CHST1: variants seen among roughly 807,000 people sequenced by gnomAD.
CHST1 encodes the protein Keratan sulfotransferase.
A neutral mutation model predicts 22.5 loss-of-function variants in CHST1; 10 were observed. The ratio of observed to expected loss-of-function variants is 0.44; its 90% CI spans 0.27 to 0.75. The LOEUF (loss-of-function observed/expected upper bound fraction) is 0.75, where lower values mean the gene tolerates loss of function less well. Among genes scored for constraint, CHST1 ranks in the 30% least tolerant of loss-of-function variants. The pLI is 0.15. For synonymous variants in CHST1, 267 were observed against 264.5 expected, an observed-to-expected ratio of 1.01 and a Z score of -0.09; for missense variants, 439 against 576.1, an observed-to-expected ratio of 0.76 and a Z score of 2.44.
At chr11:45,654,616 A>G (rs1001470103) in intron 1 of CHST1, among the ~76,000 whole-genome samples, 1 of 152,218 alleles carries the variant, frequency 6.6e-6, no homozygotes, top group Non-Finnish European at 1.5e-5. Flanking sequence ...CAATGCCCTC[A>G]TCCTCCAAGC....
In CHST1 at chr11:45,665,589, A is replaced by AGCAGCGGCG. The variant is rs1373806604; in HGVS notation, c.-647_-639dup. 3 of 151,444 alleles carry AGCAGCGGCG rather than the reference A, an allele frequency of 2.0e-5. No homozygotes were observed. The highest frequency in any genetic ancestry group is 4.4e-5 in the Non-Finnish European group (3 of 67,888). 9.4% of individuals were successfully genotyped at this position (151,444 alleles called of 1,614,324 possible). ...CGCCCGCCCGCGTCCCCGAGCCAAGAGCAGCGGCGGCAGCGGCGGCTACAG... is the reference window on the plus strand; with the variant it reads ...CGCCCGCCCGCGTCCCCGAGCCAAGAGCAGCGGCGGCAGCGGCGGCAGCGGCGGCTACAG... On this transcript the variant is annotated 5_prime_UTR_variant, in exon 1 of 4. Coordinates refer to ENST00000308064, the MANE Select transcript of CHST1 (RefSeq NM_003654.6). This position sits in a 1 kb window ranked among gnomAD's most constrained non-coding sequence, Gnocchi z 4.0.
intron 1 of CHST1, among the ~76,000 whole-genome samples, chr11:45,659,096 C>T (rs1440660811): frequency 6.6e-6 from 1 of 152,144 alleles, no homozygotes; most frequent in Non-Finnish European, 1.5e-5. Context: ...AGGAGGCTGC[C>T]GACGTGGATA....
rs1407062175 is a variant in CHST1, at chr11:45,648,631, C to G, written c.*1057G>C. 6.6e-6 allele frequency among the ~76,000 whole-genome samples: 1 copy of G among 152,088 alleles called. No individual in the cohort carries two copies. The highest frequency in any genetic ancestry group is 1.5e-5 in the Non-Finnish European group (1 of 68,028). On this transcript the variant is annotated 3_prime_UTR_variant, in exon 4 of 4. Transcript: ENST00000308064. ...GCTTGAACCTGGGAGGCAGAGGTTG[C>G]AGTGAGCCGAGATGGCGCCATTGCA...
At chr11:45,659,589 G>C (rs1405992164) in intron 1 of CHST1, among the ~76,000 whole-genome samples, 1 of 152,114 alleles carries the variant, frequency 6.6e-6, no homozygotes, top group Non-Finnish European at 1.5e-5. Flanking sequence ...GCTTCCCAGA[G>C]GGTTTTCCCT....
chr11:45,659,827 C>T (rs992790168), intron 1 of CHST1, among the ~76,000 whole-genome samples: 18 of 152,216 alleles, frequency 1.2e-4, no homozygotes, highest in African/African-American at 4.3e-4. Context: ...TACCATCTGG[C>T]CTGAAACAGT....
intron 1 of CHST1, among the ~76,000 whole-genome samples, chr11:45,652,914 T>C (rs1190576135): frequency 2.0e-5 from 3 of 152,260 alleles, no homozygotes; most frequent in African/African-American, 7.2e-5. Context: ...TTTGGCTTCC[T>C]GTTCCTCCAG....
Position 45,649,744 on chromosome 11 carries a change from G to A in CHST1, c.1180C>T (p.Leu394=). 1 of 1,608,588 alleles carries A rather than the reference G, an allele frequency of 6.2e-7. No individual in the cohort carries two copies. The highest frequency in any genetic ancestry group is 8.5e-7 in the Non-Finnish European group (1 of 1,178,634). The change falls in exon 4 of 4, where the codon CTG becomes TTG. Residue 394 remains leucine, a synonymous_variant. Transcript: ENST00000308064. ...GYKIAASEEE[L]KNPSVSLVEE... is the part of the protein sequence containing the mutation. ...ACCAGGCTGACCGAGGGGTTCTTCAGCTCCTCCTCCGAGGCGGCGATCTTG... is the reference window on the plus strand; with the variant it reads ...ACCAGGCTGACCGAGGGGTTCTTCAACTCCTCCTCCGAGGCGGCGATCTTG...
rs1214286714 is a variant in CHST1 at position 45,649,922 on chromosome 11, G to T, written c.1002C>A (p.Asn334Lys). 1.2e-6 allele frequency: 2 copies of T among 1,612,872 alleles called. No individual in the cohort carries two copies. Among genetic ancestry groups the T allele is most frequent in the Non-Finnish European group, 1.7e-6 (2 of 1,180,020 alleles). Residue 334 changes from asparagine to lysine, a missense_variant, in exon 4 of 4, where the codon AAC becomes AAA. Transcript: ENST00000308064. ...CCAGGGTGGGGTCGCCCCGCGTGTTGTTCTGGATCCAGCGGGCCACGTGGC... is the reference window on the plus strand; with the variant it reads ...CCAGGGTGGGGTCGCCCCGCGTGTTTTTCTGGATCCAGCGGGCCACGTGGC... ...LDSHVARWIQNNTRGDPTLGK... is the reference protein window; with the variant it reads ...LDSHVARWIQKNTRGDPTLGK...
rs1851980270 is a variant in CHST1, at chr11:45,650,480, G to A, written c.444C>T (p.Thr148=). The A allele has an allele frequency of 6.2e-7, 1 of 1,613,388 alleles. No homozygotes were observed. The highest frequency in any genetic ancestry group is 8.5e-7 in the Non-Finnish European group (1 of 1,179,956). Residue 148 remains threonine (T), a synonymous_variant, in exon 4 of 4, where the codon ACC becomes ACT. Transcript: ENST00000308064. ...TGGCCCCGCGGCGGAAGATCCTGTC[G>A]GTGGTGTGGTTGACCGGCGGCGGCT... The part of the protein sequence containing the change: ...YIKPPPVNHT[T]DRIFRRGASR...
intron 1 of CHST1, among the ~76,000 whole-genome samples, chr11:45,655,117 A>C (rs1852046172): frequency 6.6e-6 from 1 of 152,214 alleles, no homozygotes; most frequent in African/African-American, 2.4e-5. Flanking sequence ...ACTGGCTGAG[A>C]GATCTTGGCT....
At chr11:45,654,646 C>G (rs545389046) in intron 1 of CHST1, among the ~76,000 whole-genome samples, 27 of 152,358 alleles carry the variant, frequency 1.8e-4, no homozygotes, top group African/African-American at 6.5e-4. Context: ...GCCCCCAGAG[C>G]CCATCCCTAG....
At position 45,655,757 on chromosome 11, in the gene CHST1, C is replaced by T. The variant is rs148717464; in HGVS notation, c.-226-3151G>A. On this transcript the variant is annotated intron_variant, in intron 1 of 3. Transcript: ENST00000308064. ...AGGCAGGACTGGCCCACATGGCCTC[C>T]GGATGGGTGACCTTGGACTCACCCC... 2.9e-4 allele frequency among the ~76,000 whole-genome samples: 44 copies of T among 152,346 alleles called. 1 individual carries two copies. The highest frequency in any genetic ancestry group is 5.0e-4 in the Non-Finnish European group (34 of 68,026).
At chr11:45,659,470 C>G (rs899634334) in intron 1 of CHST1, among the ~76,000 whole-genome samples, 1 of 152,140 alleles carries the variant, frequency 6.6e-6, no homozygotes, top group African/African-American at 2.4e-5. Flanking sequence ...TACTGGCCAT[C>G]CCCCAGGGTC....
rs766005463 is a variant in CHST1, at chr11:45,650,829, T to A, written c.95A>T (p.His32Leu). The A allele has an allele frequency of 6.2e-7, 1 of 1,607,824 alleles. No individual in the cohort carries two copies. The highest frequency in any genetic ancestry group is 2.2e-5 in the East Asian group (1 of 44,806). Reference sequence around the variant, plus strand: ...GGCCTCTGCCAGCCCGGGGCAGGTGTGAAAGGACTTGGCGGTGAAGGTGCG... The same window carrying A: ...GGCCTCTGCCAGCCCGGGGCAGGTGAGAAAGGACTTGGCGGTGAAGGTGCG... ...AIRTFTAKSF[H>L]TCPGLAEAGL... The change falls in exon 4 of 4, where the codon CAC (histidine) becomes CTC (leucine). Residue 32 changes from histidine (H) to leucine (L), a missense_variant. Physicochemically the swap from His to Leu is moderately conservative, Grantham distance 99 (BLOSUM62 -3). Coordinates refer to ENST00000308064, the MANE Select transcript of CHST1 (RefSeq NM_003654.6).
At chr11:45,657,183 G>A (rs1221605317) in intron 1 of CHST1, among the ~76,000 whole-genome samples, 1 of 152,204 alleles carries the variant, frequency 6.6e-6, no homozygotes, top group African/African-American at 2.4e-5. Flanking sequence ...CTGCAGAGGG[G>A]AAATGCTTAC....
intron 1 of CHST1, among the ~76,000 whole-genome samples, chr11:45,661,295 A>T (rs1226600933): frequency 1.3e-5 from 2 of 152,238 alleles, no homozygotes; most frequent in Non-Finnish European, 2.9e-5. Flanking sequence ...GAGTGGGGGC[A>T]GGGCTGCCAA....
intron 1 of CHST1, among the ~76,000 whole-genome samples, chr11:45,654,780 C>T (rs912780860): frequency 1.3e-5 from 2 of 152,226 alleles, no homozygotes; most frequent in African/African-American, 2.4e-5. Flanking sequence ...GGTGAGCTTT[C>T]ACTCCCAGGA....
intron 1 of CHST1, among the ~76,000 whole-genome samples, chr11:45,658,863 G>T (rs1443496958): frequency 6.6e-6 from 1 of 152,218 alleles, no homozygotes; most frequent in South Asian, 2.1e-4. Context: ...GGACACCGGG[G>T]CTCCGGCCCA....
At chr11:45,657,868 C>T (rs567010724) in intron 1 of CHST1, among the ~76,000 whole-genome samples, 19 of 152,308 alleles carry the variant, frequency 1.2e-4, no homozygotes, top group African/African-American at 4.1e-4. Flanking sequence ...ATCCCTGGGC[C>T]CCACAGGCAG....
Sources: gnomAD v4.1 joint callset for allele counts (sites outside exome capture counted in the v4.1 genomes callset) on GRCh38, gnomAD v4.1.1 for gene constraint, Gnocchi (gnomAD v3.1) non-coding constraint, MANE v1.5 for transcripts, NCBI Gene and HGNC (gene_info 2026-07-23, HGNC 2026-07-21) for gene names.